DOCK2: variants seen among roughly 807,000 people sequenced by gnomAD.
DOCK2 encodes dedicator of cytokinesis protein 2.
DOCK2 carries 87 observed loss-of-function variants against 248.9 expected under a neutral mutation model. That is an observed-to-expected ratio of 0.35 (90% CI 0.29 to 0.42). The LOEUF (loss-of-function observed/expected upper bound fraction) is 0.42, where lower values mean the gene tolerates loss of function less well. Ranked by LOEUF, DOCK2 falls within the 10% of genes least tolerant of loss-of-function variation. The probability of loss-of-function intolerance (pLI) is 1.00; values close to 1 mark genes in which losing one functional copy is unlikely to be tolerated. For missense variants in DOCK2, 1,747 were observed against 2,300.2 expected (o/e 0.76, Z 4.92); for synonymous variants, 805 against 821.6 (o/e 0.98, Z 0.35).
At chr5:170,047,685 C>T (rs944407607) in intron 40 of DOCK2, 71 bp downstream of exon 40, 31 of 1,408,910 alleles carry the variant, frequency 2.2e-5, no homozygotes, top group Admixed American at 3.8e-5. Flanking sequence ...TCCTTCTATG[C>T]TTTGAGGATT....
rs1217832485 is a variant in DOCK2 at position 170,073,949 on chromosome 5, T to C, written c.4729-1998T>C. On this transcript the variant is annotated intron_variant, in intron 46 of 51. Coordinates refer to ENST00000520908, the MANE Select transcript of DOCK2 (RefSeq NM_004946.3). ...TTTCTATTTTTATTCGTGTCCACTC[T>C]CACCTTTATTATTTTCATTCCTTTT... is the stretch of plus-strand genomic sequence containing the variant. Among the ~76,000 whole-genome samples the C allele has an allele frequency of 2.6e-5, 4 of 152,172 alleles. No homozygotes were observed. In the East Asian group the frequency reaches 7.7e-4, roughly 29 times the overall value.
chr5:169,868,301 A>G (rs1349310006), intron 27 of DOCK2, among the ~76,000 whole-genome samples: 1 of 152,198 alleles, frequency 6.6e-6, no homozygotes, highest in East Asian at 1.9e-4. Flanking sequence ...CTACTTTCCA[A>G]TTCTTCATCC....
intron 26 of DOCK2, among the ~76,000 whole-genome samples, chr5:169,810,791 G>A (rs1767689826): frequency 6.6e-6 from 1 of 152,132 alleles, no homozygotes; most frequent in Non-Finnish European, 1.5e-5. Context: ...TCTGGGCCTA[G>A]TGCAGGAGCT....
At chr5:169,670,439 C>G in intron 3 of DOCK2, 103 bp from the exon 4 acceptor site, 2 of 1,326,594 alleles carry the variant, frequency 1.5e-6, no homozygotes, top group Non-Finnish European at 2.0e-6. Context: ...ATTTTATAAG[C>G]CAGTAGCTTT....
chr5:170,056,543 C>A, intron 42 of DOCK2, 141 bp from the exon 43 acceptor site: 1 of 632,836 alleles, frequency 1.6e-6, no homozygotes, highest in Non-Finnish European at 2.8e-6. Flanking sequence ...AGAACACAGA[C>A]CTTGATTTTA....
intron 22 of DOCK2, among the ~76,000 whole-genome samples, chr5:169,724,635 C>T (rs913551455): frequency 9.2e-5 from 14 of 152,224 alleles, no homozygotes; most frequent in African/African-American, 3.1e-4. Flanking sequence ...CGCAGCTCAG[C>T]GACGCCTCCA....
At chr5:170,041,984 G>T in intron 37 of DOCK2, 29 bp from the exon 38 acceptor site, 2 of 1,610,280 alleles carry the variant, frequency 1.2e-6, no homozygotes, top group Non-Finnish European at 1.7e-6. Context: ...TCTCGGCCCT[G>T]TGTGACTTCC....
At position 169,738,138 on chromosome 5, in the gene DOCK2, A is replaced by G. The variant is rs148282492; in HGVS notation, c.2268-9258A>G. Among the ~76,000 whole-genome samples, 61 of 152,250 alleles carry G rather than the reference A, an allele frequency of 4.0e-4. No individual in the cohort carries two copies. In the East Asian group the frequency reaches 0.011, roughly 28 times the overall value. ...TGGTGGTGGGGATAGACTCTCGCAC[A>G]TTTGTTACAGATGTCTTCTGTGTTC... is the stretch of plus-strand genomic sequence containing the variant. On this transcript the variant is annotated intron_variant, in intron 22 of 51. Transcript: ENST00000520908.
At position 169,660,041 on chromosome 5, in the gene DOCK2, A is replaced by C. The variant is rs550556218; in HGVS notation, c.127+5555A>C. Among the ~76,000 whole-genome samples, 9 of 152,236 alleles carry C rather than the reference A, an allele frequency of 5.9e-5. No individual in the cohort carries two copies. In the East Asian group the frequency reaches 9.6e-4, roughly 16 times the overall value. Reference sequence around the variant, plus strand: ...TTCTTTCCAGTTCTTTGTCTTCTCTACTGAAATAAGCCCTCTATGATCAGC... The same window carrying C: ...TTCTTTCCAGTTCTTTGTCTTCTCTCCTGAAATAAGCCCTCTATGATCAGC... On this transcript the variant is annotated intron_variant, in intron 2 of 51. Coordinates refer to ENST00000520908, the MANE Select transcript of DOCK2 (RefSeq NM_004946.3).
At chr5:170,081,612 G>T (rs1367652819) in intron 50 of DOCK2, 2 of 546,018 alleles carry the variant, frequency 3.7e-6, no homozygotes, top group Non-Finnish European at 6.4e-6. Context: ...TTGACCAGGA[G>T]CCAGGAGGCT....
chr5:169,996,057 C>T (rs1581513976), intron 29 of DOCK2, 29 bp from the exon 30 acceptor site: 1 of 1,610,594 alleles, frequency 6.2e-7, no homozygotes, highest in South Asian at 1.1e-5. Flanking sequence ...CATGCTCAGA[C>T]AGTCTGGTAA....
intron 40 of DOCK2, 110 bp downstream of exon 40, chr5:170,047,724 C>T: frequency 1.1e-6 from 1 of 949,212 alleles, no homozygotes. Context: ...GTGCTCTTCT[C>T]TGTCTGAGTG....
intron 26 of DOCK2, among the ~76,000 whole-genome samples, chr5:169,833,993 C>T (rs1369415290): frequency 4.0e-5 from 6 of 151,024 alleles, no homozygotes; most frequent in South Asian, 2.1e-4. Context: ...AACCAGGTCA[C>T]CCTGCAGTAA....
Position 169,883,183 on chromosome 5 carries a change from G to C in DOCK2, c.2799+42331G>C, listed in dbSNP as rs1340947341. ...CACCCTTCTCCCATCACCTGGACGT[G>C]TGTCATCCAAAGGGTGTATGGAGTT... On this transcript the variant is annotated intron_variant, in intron 27 of 51. Transcript: ENST00000520908. The C allele has an allele frequency of 6.4e-7, 1 of 1,551,626 alleles. No homozygotes were observed. The highest frequency in any genetic ancestry group is 8.7e-7 in the Non-Finnish European group (1 of 1,146,946).
chr5:169,782,264 G>C lies in DOCK2; in HGVS notation c.2554+20639G>C, dbSNP rs1765750541. Among the ~76,000 whole-genome samples, 3 of 152,232 alleles carry C rather than the reference G, an allele frequency of 2.0e-5. No homozygotes were observed. The South Asian group carries it at 6.2e-4, about 32-fold the overall frequency. On this transcript the variant is annotated intron_variant, in intron 25 of 51. Coordinates refer to ENST00000520908, the MANE Select transcript of DOCK2 (RefSeq NM_004946.3). ...ATAAGATGTGTTGCTCCCTCTTCTA[G>C]TTTATCAGGAGATAGCCACATACAT...
rs1767397067 is a variant in DOCK2, at chr5:169,806,861, C to A, written c.2703+3655C>A. ...GAACCAGTGCCCCACCTCCACCCCCCACCATCCCCCCGCCCCCCCACTGAA... is the reference window on the plus strand; with the variant it reads ...GAACCAGTGCCCCACCTCCACCCCCAACCATCCCCCCGCCCCCCCACTGAA... On this transcript the variant is annotated intron_variant, in intron 26 of 51. Coordinates refer to ENST00000520908, the MANE Select transcript of DOCK2 (RefSeq NM_004946.3). Among the ~76,000 whole-genome samples, 3 of 147,538 alleles carry A rather than the reference C, an allele frequency of 2.0e-5. No homozygotes were observed. The South Asian group carries it at 6.6e-4, about 32-fold the overall frequency.
intron 29 of DOCK2, among the ~76,000 whole-genome samples, chr5:169,994,424 C>T (rs1778284240): frequency 1.3e-5 from 2 of 152,092 alleles, no homozygotes. Flanking sequence ...TGCAGCAGAC[C>T]CTGCCCTGCA....
Position 170,081,688 on chromosome 5 carries a change from G to T in DOCK2, c.5288-154G>T, listed in dbSNP as rs551548940. 214 of 840,592 alleles carry T rather than the reference G, an allele frequency of 2.5e-4. No individual in the cohort carries two copies. In the Middle Eastern group the frequency reaches 3.3e-3, roughly 13 times the overall value. The allele number at this position is 840,592 out of a possible 1,614,324, so 52.1% of individuals were successfully genotyped here. A position where few individuals can be genotyped will look rare whatever the true frequency, so the allele number is the denominator to read the frequency against. ...GACAGCTTCAATGTCCCCTGGCACG[G>T]CAGGAAATAGGCATCCTGCCTCCTG... On this transcript the variant is annotated intron_variant, in intron 50 of 51. Transcript: ENST00000520908.
At position 170,065,900 on chromosome 5, in the gene DOCK2, T is replaced by G. The variant is rs555761253; in HGVS notation, c.4468-1610T>G. On this transcript the variant is annotated intron_variant, in intron 44 of 51. Coordinates refer to ENST00000520908, the MANE Select transcript of DOCK2 (RefSeq NM_004946.3). ...AGACTTACCTCACCTTTAAAGACAC[T>G]CATAGACTGAAAGTGAAGGGATGGA... Among the ~76,000 whole-genome samples, 72 of 151,324 alleles carry G rather than the reference T, an allele frequency of 4.8e-4. 1 individual carries two copies. Among genetic ancestry groups the G allele is most frequent in the Middle Eastern group, 3.4e-3 (1 of 290 alleles).
Sources: allele counts gnomAD v4.1 joint callset (sites outside exome capture counted in the v4.1 genomes callset), GRCh38; gene constraint gnomAD v4.1.1; transcripts MANE v1.5; gene names NCBI Gene and HGNC (gene_info 2026-07-23, HGNC 2026-07-21).